Variants in ABLIM2 observed in about 807,000 individuals in gnomAD.
The protein encoded by ABLIM2 is actin binding LIM protein family member 2, also known as actin-binding LIM protein 2.
ABLIM2 carries 53 observed loss-of-function variants against 97.7 expected under a neutral mutation model. The ratio of observed to expected loss-of-function variants is 0.54; its 90% CI spans 0.44 to 0.68. ABLIM2 has a LOEUF of 0.68. Ranked by LOEUF, ABLIM2 falls within the 30% of genes least tolerant of loss-of-function variation. The pLI is 0.00. For missense variants in ABLIM2, 835 were observed against 867.2 expected, an observed-to-expected ratio of 0.96 and a Z score of 0.47; for synonymous variants, 361 against 345.8, an observed-to-expected ratio of 1.04 and a Z score of -0.49.
At chr4:8,099,753 G>A (rs1327475438) in intron 2 of ABLIM2, among the ~76,000 whole-genome samples, 1 of 152,162 alleles carries the variant, frequency 6.6e-6, no homozygotes, top group Non-Finnish European at 1.5e-5. Flanking sequence ...GCTGAGGCAG[G>A]AGGATGGCAT....
chr4:8,136,955 C>A (rs1416619370), intron 1 of ABLIM2, among the ~76,000 whole-genome samples: 1 of 152,148 alleles, frequency 6.6e-6, no homozygotes, highest in Non-Finnish European at 1.5e-5. Flanking sequence ...GGAGCTGGGC[C>A]CTTGGGAGGT....
intron 1 of ABLIM2, among the ~76,000 whole-genome samples, chr4:8,139,324 T>A (rs1044143824): frequency 1.3e-5 from 2 of 151,708 alleles, no homozygotes; most frequent in East Asian, 3.9e-4. Flanking sequence ...AGACAACCTA[T>A]GAAATGGGAG....
rs139712409 is a variant in ABLIM2, at chr4:7,971,151, T to C, written c.1825-4048A>G. ...GAGAGGGGCTCAAAGGTCCTTACTCTGTGGCCAGCTGCAAAACTGGCATTC... is the reference window on the plus strand; with the variant it reads ...GAGAGGGGCTCAAAGGTCCTTACTCCGTGGCCAGCTGCAAAACTGGCATTC... On this transcript the variant is annotated intron_variant, in intron 20 of 20. Coordinates refer to ENST00000447017, the MANE Select transcript of ABLIM2 (RefSeq NM_001130083.2). Among the ~76,000 whole-genome samples the C allele has an allele frequency of 5.5e-3, 831 of 151,746 alleles. 8 individuals are homozygous for C. Among genetic ancestry groups the C allele is most frequent in the Non-Finnish European group, 8.0e-3 (547 of 68,002 alleles).
chr4:8,016,043 A>ATTTTTTTTTTTTTTTTTTTTTT (rs4006048), intron 14 of ABLIM2, among the ~76,000 whole-genome samples: 3 of 111,128 alleles, frequency 2.7e-5, no homozygotes, highest in African/African-American at 3.7e-5. Flanking sequence ...TTGTTGTTGT[A>ATTTTTTTTTTTTTTTTTTTTTT]TTTTTTTTTT....
At chr4:7,968,178 G>A (rs558952186) in intron 20 of ABLIM2, among the ~76,000 whole-genome samples, 4 of 152,368 alleles carry the variant, frequency 2.6e-5, no homozygotes, top group African/African-American at 9.6e-5. Flanking sequence ...GGCTGGAGAA[G>A]GCCAGTGACA....
Position 8,113,011 on chromosome 4 carries a change from AG to A in ABLIM2, c.11-6375del, listed in dbSNP as rs1368490472. ...CATGCCAGGCCAAAAGGGCATAGGC[AG>A]GGGGGCAAACTCCTCTTTCTGTCCA... is the stretch of plus-strand genomic sequence containing the variant. On this transcript the variant is annotated intron_variant, in intron 1 of 20. Transcript: ENST00000447017. The surrounding 1 kb of genome is among the most constrained non-coding windows in gnomAD (Gnocchi z 4.5). Among the ~76,000 whole-genome samples, 5 of 152,220 alleles carry A rather than the reference AG, an allele frequency of 3.3e-5. No homozygotes were observed. The highest frequency in any genetic ancestry group is 3.3e-4 in the Admixed American group (5 of 15,282).
At position 8,150,818 on chromosome 4, in the gene ABLIM2, C is replaced by T. The variant is rs566502513; in HGVS notation, c.10+7862G>A. Reference sequence around the variant, plus strand: ...CCTTGTAACCAGGACTGAGATGGGGCTGGCAGGGGAGACAGCAGGACCAGA... The same window carrying T: ...CCTTGTAACCAGGACTGAGATGGGGTTGGCAGGGGAGACAGCAGGACCAGA... On this transcript the variant is annotated intron_variant, in intron 1 of 20. Coordinates refer to ENST00000447017, the MANE Select transcript of ABLIM2 (RefSeq NM_001130083.2). The surrounding 1 kb of genome is among the most constrained non-coding windows in gnomAD (Gnocchi z 6.3). 1.3e-5 allele frequency among the ~76,000 whole-genome samples: 2 copies of T among 152,268 alleles called. No homozygotes were observed. Among genetic ancestry groups the T allele is most frequent in the East Asian group, 3.9e-4 (2 of 5,172 alleles).
intron 12 of ABLIM2, chr4:8,020,587 A>T: frequency 1.9e-6 from 1 of 513,360 alleles, no homozygotes; most frequent in Non-Finnish European, 3.5e-6. Flanking sequence ...AGAACACCTT[A>T]GGGGGCTCAC....
chr4:8,049,838 G>A (rs556547613), intron 8 of ABLIM2, among the ~76,000 whole-genome samples: 106 of 152,160 alleles, frequency 7.0e-4, no homozygotes, highest in African/African-American at 2.3e-3. Context: ...AGCGATTCTC[G>A]TGCCTCAGCC....
rs1352221206 is a variant in ABLIM2, at chr4:8,075,681, G to C, written c.675+1947C>G. ...CACTCCAGCCTGGGCAACTGAGTGA[G>C]AACCTCTCCAAAAAAAGAAAAAAAA... On this transcript the variant is annotated intron_variant, in intron 6 of 20. Transcript: ENST00000447017. This position sits in a 1 kb window ranked among gnomAD's most constrained non-coding sequence, Gnocchi z 4.4. Among the ~76,000 whole-genome samples the C allele has an allele frequency of 1.3e-5, 2 of 152,022 alleles. No individual in the cohort carries two copies. The highest frequency in any genetic ancestry group is 4.8e-5 in the African/African-American group (2 of 41,384).
intron 9 of ABLIM2, among the ~76,000 whole-genome samples, chr4:8,040,287 G>A (rs1436673703): frequency 1.3e-5 from 2 of 152,082 alleles, no homozygotes; most frequent in Admixed American, 6.6e-5. Flanking sequence ...CGCACAGTAG[G>A]TTGATGACAG....
chr4:8,007,855 T>A, intron 16 of ABLIM2: 1 of 1,376,924 alleles, frequency 7.3e-7, no homozygotes, highest in Non-Finnish European at 9.4e-7. Context: ...GTTAGCACAC[T>A]GGCTCGGGGA....
At chr4:8,064,824 G>A (rs895316954) in intron 6 of ABLIM2, among the ~76,000 whole-genome samples, 1 of 152,172 alleles carries the variant, frequency 6.6e-6, no homozygotes, top group African/African-American at 2.4e-5. Context: ...CTGGTTCCAT[G>A]GGTGTGTCCA....
At chr4:8,039,334 C>T (rs1786599848) in intron 9 of ABLIM2, among the ~76,000 whole-genome samples, 1 of 152,194 alleles carries the variant, frequency 6.6e-6, no homozygotes, top group South Asian at 2.1e-4. Context: ...CCGCCTTGCC[C>T]TGGGTTAGCT....
At chr4:8,041,033 G>T (rs1788108440) in intron 9 of ABLIM2, among the ~76,000 whole-genome samples, 1 of 152,250 alleles carries the variant, frequency 6.6e-6, no homozygotes, top group Admixed American at 6.5e-5. Context: ...TAAGAGCCGG[G>T]AGACTGGATT....
chr4:8,053,648 C>A (rs1319231811), intron 8 of ABLIM2, among the ~76,000 whole-genome samples: 1 of 152,124 alleles, frequency 6.6e-6, no homozygotes, highest in Non-Finnish European at 1.5e-5. Flanking sequence ...TGCCTCTTTG[C>A]TATGTACACT....
chr4:8,035,035 G>T (rs1233998000), intron 10 of ABLIM2, among the ~76,000 whole-genome samples: 3 of 143,758 alleles, frequency 2.1e-5, no homozygotes, highest in African/African-American at 7.7e-5. Context: ...GGTGGGTGCA[G>T]GTGGGTGATG....
intron 18 of ABLIM2, 101 bp from the exon 19 acceptor site, chr4:7,983,655 C>T (rs935569259): frequency 1.2e-5 from 17 of 1,389,832 alleles, no homozygotes; most frequent in Admixed American, 1.9e-5. Context: ...CTGTCTCCCC[C>T]CTGCAGTCAC....
In ABLIM2 at chr4:8,097,209, C is replaced by T. The variant is rs1036563256; in HGVS notation, c.228G>A (p.Gln76=). Residue 76 remains glutamine, a synonymous_variant, in exon 3 of 21, where the codon CAG becomes CAA. Coordinates refer to ENST00000447017, the MANE Select transcript of ABLIM2 (RefSeq NM_001130083.2). ...QGEYICTLDY[Q]RLYGTRCFSC... is the part of the protein sequence containing the mutation. ...TGAAGCAGCGGGTGCCGTAGAGCCT[C>T]TGGTAGTCCAGCGTGCAGATGTACT... is the stretch of plus-strand genomic sequence containing the variant. 1.3e-6 allele frequency: 2 copies of T among 1,590,638 alleles called. No individual in the cohort carries two copies. Among genetic ancestry groups the T allele is most frequent in the Non-Finnish European group, 8.6e-7 (1 of 1,169,292 alleles).
Sources: allele counts gnomAD v4.1 joint callset (sites outside exome capture counted in the v4.1 genomes callset), GRCh38; gene constraint gnomAD v4.1.1; non-coding constraint Gnocchi (gnomAD v3.1); transcripts MANE v1.5; gene names NCBI Gene and HGNC (gene_info 2026-07-23, HGNC 2026-07-21).